Variants in LAMA3 observed in about 807,000 individuals in gnomAD.
The protein encoded by LAMA3 is laminin subunit alpha 3, also known as laminin subunit alpha-3.
Under a neutral mutation model 402.0 loss-of-function variants are expected in LAMA3, and 281 were observed. The observed-to-expected ratio is 0.70, with a 90% confidence interval of 0.63 to 0.77. LAMA3 has a LOEUF of 0.77. LAMA3 is among the 30% of genes least tolerant of loss of function. LAMA3 has a pLI of 0.00. For missense variants in LAMA3, 3,840 were observed against 4,215.5 expected (o/e 0.91, Z 2.47); for synonymous variants, 1,431 against 1,558.4 (o/e 0.92, Z 1.93).
In LAMA3 at chr18:23,773,496, G is replaced by A; in HGVS notation, c.1183-1G>A. ...TTTAAGTTTCTTTTGTTTCTTTCTAGCACAACACAGCTGGAGTAAACTGTG... is the reference window on the plus strand; with the variant it reads ...TTTAAGTTTCTTTTGTTTCTTTCTAACACAACACAGCTGGAGTAAACTGTG... On this transcript the variant is annotated splice_acceptor_variant, in intron 8 of 74. Coordinates refer to ENST00000313654, the MANE Select transcript of LAMA3 (RefSeq NM_198129.4). LOFTEE classifies it high-confidence loss of function. 1 of 1,584,898 alleles carries A rather than the reference G, an allele frequency of 6.3e-7. No individual in the cohort carries two copies. Among genetic ancestry groups the A allele is most frequent in the Non-Finnish European group, 8.6e-7 (1 of 1,161,172 alleles).
Position 23,848,142 on chromosome 18 carries a change from T to G in LAMA3, c.4136+474T>G, listed in dbSNP as rs540321603. Among the ~76,000 whole-genome samples, 3 of 152,222 alleles carry G rather than the reference T, an allele frequency of 2.0e-5. No individual in the cohort carries two copies. In the South Asian group the frequency reaches 6.2e-4, roughly 32 times the overall value. ...GACAGAGTCTGAAATCCCACCTAGCTGATTTGGGCTGGAAGGGGAGCTGAG... is the reference window on the plus strand; with the variant it reads ...GACAGAGTCTGAAATCCCACCTAGCGGATTTGGGCTGGAAGGGGAGCTGAG... On this transcript the variant is annotated intron_variant, in intron 32 of 74. Transcript: ENST00000313654.
chr18:23,841,574 A>C (rs2063702297), intron 27 of LAMA3, among the ~76,000 whole-genome samples: 1 of 152,144 alleles, frequency 6.6e-6, no homozygotes, highest in Non-Finnish European at 1.5e-5. Flanking sequence ...TGGGTGTGGG[A>C]CAAAAGGGAC....
At chr18:23,713,382 C>T (rs1003621065) in intron 1 of LAMA3, among the ~76,000 whole-genome samples, 2 of 152,238 alleles carry the variant, frequency 1.3e-5, no homozygotes, top group Admixed American at 6.5e-5. Context: ...GACATGCCTT[C>T]TCTTTCACCA....
chr18:23,807,470 GTGTGTGTA>G (rs1314825199), intron 12 of LAMA3, among the ~76,000 whole-genome samples: 1 of 151,810 alleles, frequency 6.6e-6, no homozygotes, highest in African/African-American at 2.4e-5. Flanking sequence ...GTGTGTGTGT[GTGTGTGTA>G]TGTGTGTGTG....
chr18:23,784,461 C>T (rs2062500085), intron 12 of LAMA3, among the ~76,000 whole-genome samples: 1 of 152,184 alleles, frequency 6.6e-6, no homozygotes, highest in South Asian at 2.1e-4. Context: ...GCCACCACTT[C>T]TCAGATCCTG....
At chr18:23,859,283 G>T (rs1390375220) in intron 34 of LAMA3, among the ~76,000 whole-genome samples, 2 of 152,150 alleles carry the variant, frequency 1.3e-5, no homozygotes, top group African/African-American at 2.4e-5. Context: ...AATGTGTGGG[G>T]TTTTTTCTAT....
Position 23,900,543 on chromosome 18 carries a change from A to G in LAMA3, c.6005-584A>G, listed in dbSNP as rs546492440. On this transcript the variant is annotated intron_variant, in intron 47 of 74. Transcript: ENST00000313654. The stretch of plus-strand genomic sequence containing the variant: ...AAATTTGTATTACAAAAACAAAAAA[A>G]GGATATACTAGAAATTAACAGAATA... Among the ~76,000 whole-genome samples the G allele has an allele frequency of 2.6e-5, 4 of 152,360 alleles. No homozygotes were observed. In the East Asian group the frequency reaches 7.7e-4, roughly 29 times the overall value.
At chr18:23,842,062 T>A (rs2063713489) in intron 27 of LAMA3, among the ~76,000 whole-genome samples, 1 of 152,214 alleles carries the variant, frequency 6.6e-6, no homozygotes, top group Admixed American at 6.5e-5. Context: ...GGGTTATGTG[T>A]TCAACTTTGG....
chr18:23,726,299 G>A (rs1488266848), intron 2 of LAMA3, among the ~76,000 whole-genome samples: 2 of 152,242 alleles, frequency 1.3e-5, no homozygotes, highest in Non-Finnish European at 2.9e-5. Flanking sequence ...CTCTCATGAG[G>A]GCAAGAGCGC....
chr18:23,907,926 G>C lies in LAMA3; in HGVS notation c.7006G>C (p.Asp2336His). 5 of 1,613,754 alleles carry C rather than the reference G, an allele frequency of 3.1e-6. No homozygotes were observed. The highest frequency in any genetic ancestry group is 4.2e-6 in the Non-Finnish European group (5 of 1,179,934). Residue 2336 changes from aspartate to histidine, a missense_variant, in exon 54 of 75, where the codon GAT becomes CAT. Physicochemically the swap from Asp to His is moderately conservative, Grantham distance 81 (BLOSUM62 -1). Around this residue, in one of 3 missense-constraint regions of LAMA3, gnomAD observed 891 missense variants for 857.5 expected, o/e 1.04. Coordinates refer to ENST00000313654, the MANE Select transcript of LAMA3 (RefSeq NM_198129.4). Reference protein sequence around the residue: ...EDFKKALTDADNSVNKLTNKL... With the variant: ...EDFKKALTDAHNSVNKLTNKL... Reference sequence around the variant, plus strand: ...CTTCAAAAAGGCTCTGACTGATGCAGATAACTCGGGTATCAGGCGATCTCT... The same window carrying C: ...CTTCAAAAAGGCTCTGACTGATGCACATAACTCGGGTATCAGGCGATCTCT...
intron 1 of LAMA3, among the ~76,000 whole-genome samples, chr18:23,701,686 A>T (rs555598562): frequency 4.6e-5 from 7 of 152,362 alleles, no homozygotes; most frequent in Admixed American, 4.6e-4. Flanking sequence ...GGATAATTTA[A>T]AAAGGAAATG....
chr18:23,878,190 T>A (rs1035824409), intron 39 of LAMA3, among the ~76,000 whole-genome samples: 1 of 152,352 alleles, frequency 6.6e-6, no homozygotes, highest in East Asian at 1.9e-4. Context: ...TTATGAAAGC[T>A]GCCAAAGAAC....
At position 23,931,130 on chromosome 18, in the gene LAMA3, A is replaced by G; in HGVS notation, c.8505A>G (p.Pro2835=). 6.2e-7 allele frequency: 1 copy of G among 1,613,570 alleles called. No homozygotes were observed. The highest frequency in any genetic ancestry group is 8.5e-7 in the Non-Finnish European group (1 of 1,179,444). Residue 2835 remains proline, a synonymous_variant, in exon 65 of 75, where the codon CCA becomes CCG. Transcript: ENST00000313654. ...TGAGCACCAGCGATAGCGGCGGCCCAATTTTTAAATCTCCACAGACGTATA... is the reference window on the plus strand; with the variant it reads ...TGAGCACCAGCGATAGCGGCGGCCCGATTTTTAAATCTCCACAGACGTATA... ...IELSTSDSGG[P]IFKSPQTYMD... is the part of the protein sequence containing the mutation.
At chr18:23,939,084 AT>A (rs1242300886) in intron 67 of LAMA3, 138 bp from the exon 68 acceptor site, 3 of 886,898 alleles carry the variant, frequency 3.4e-6, no homozygotes, top group East Asian at 2.5e-5. Context: ...GAAACTTCCC[AT>A]CTCCATGGTA....
At chr18:23,865,598 C>G (rs552391579) in intron 36 of LAMA3, among the ~76,000 whole-genome samples, 7 of 152,126 alleles carry the variant, frequency 4.6e-5, no homozygotes, top group Non-Finnish European at 1.0e-4. Flanking sequence ...GAACTCCAAC[C>G]CACTGAATGG....
chr18:23,912,988 A>C (rs1329443743), intron 56 of LAMA3, 107 bp downstream of exon 56: 5 of 1,051,662 alleles, frequency 4.8e-6, no homozygotes, highest in Non-Finnish European at 7.3e-6. Flanking sequence ...CACAGCAGGC[A>C]GAAATCCTAC....
intron 1 of LAMA3, among the ~76,000 whole-genome samples, chr18:23,706,485 T>C (rs2060891392): frequency 6.6e-6 from 1 of 152,200 alleles, no homozygotes; most frequent in African/African-American, 2.4e-5. Context: ...AACTTGGGTC[T>C]ACTGAATACG....
intron 48 of LAMA3, among the ~76,000 whole-genome samples, chr18:23,901,631 A>G (rs192875827): frequency 6.6e-5 from 10 of 152,370 alleles, no homozygotes; most frequent in Admixed American, 6.5e-4. Context: ...TATTGCTATA[A>G]TTAATTCAAA....
chr18:23,927,792 C>A (rs955947036), intron 62 of LAMA3, among the ~76,000 whole-genome samples: 2 of 151,792 alleles, frequency 1.3e-5, no homozygotes, highest in Non-Finnish European at 2.9e-5. Context: ...TCCTATCCAC[C>A]TGCAATGCCG....
Sources: allele counts gnomAD v4.1 joint callset (sites outside exome capture counted in the v4.1 genomes callset), GRCh38; gene constraint gnomAD v4.1.1; regional missense constraint gnomAD v4.1.1; transcripts MANE v1.5; gene names NCBI Gene and HGNC (gene_info 2026-07-23, HGNC 2026-07-21).